Variants in STOX2 observed in about 807,000 individuals in gnomAD.
STOX2 encodes the protein storkhead-box protein 2.
STOX2 carries 28 observed loss-of-function variants against 60.9 expected under a neutral mutation model. That is an observed-to-expected ratio of 0.46 (90% CI 0.34 to 0.63). STOX2 has a LOEUF of 0.63. STOX2 is among the 30% of genes least tolerant of loss of function. The pLI is 0.01. For missense variants in STOX2, 1,024 were observed against 1,187.7 expected, an observed-to-expected ratio of 0.86 and a Z score of 2.03; for synonymous variants, 472 against 463.9, an observed-to-expected ratio of 1.02 and a Z score of -0.22.
At chr4:183,936,109 T>A (rs1435968892) in intron 1 of STOX2, among the ~76,000 whole-genome samples, 1 of 152,126 alleles carries the variant, frequency 6.6e-6, no homozygotes, top group African/African-American at 2.4e-5. Context: ...CAACATGAAA[T>A]CTTCACCACC....
chr4:183,827,460 C>T (rs564997799), intron 1 of STOX2, among the ~76,000 whole-genome samples: 3 of 151,766 alleles, frequency 2.0e-5, no homozygotes, highest in African/African-American at 7.3e-5. Context: ...CCACTGCACT[C>T]CAGGCTGGGT....
chr4:183,883,405 C>T (rs1334104682), intron 1 of STOX2, among the ~76,000 whole-genome samples: 6 of 151,758 alleles, frequency 4.0e-5, no homozygotes, highest in South Asian at 4.2e-4. Context: ...CTGCAAGCTC[C>T]GCCTCCCAGG....
At chr4:183,880,479 CGATT>C (rs1047714659) in intron 1 of STOX2, among the ~76,000 whole-genome samples, 1 of 152,090 alleles carries the variant, frequency 6.6e-6, no homozygotes, top group Non-Finnish European at 1.5e-5. Flanking sequence ...TTTTGCAGAA[CGATT>C]GATTGAAAGC....
chr4:183,880,094 T>G (rs1443679447), intron 1 of STOX2, among the ~76,000 whole-genome samples: 1 of 152,132 alleles, frequency 6.6e-6, no homozygotes, highest in Admixed American at 6.5e-5. Context: ...TTCTCCCACC[T>G]CAGCTTCCCA....
chr4:183,919,545 A>C lies in STOX2; in HGVS notation c.166+12589A>C, dbSNP rs559478033. ...AGTGCTGGTGTGCTCCTGAAATGTC[A>C]GTATGGAAAAGGGGCCTCTTTACCC... On this transcript the variant is annotated intron_variant, in intron 1 of 3. Transcript: ENST00000308497. 2.0e-5 allele frequency among the ~76,000 whole-genome samples: 3 copies of C among 152,256 alleles called. No homozygotes were observed. The South Asian group carries it at 6.2e-4, about 32-fold the overall frequency.
rs1211182505 is a variant in STOX2 at position 183,856,212 on chromosome 4, A to G, written c.364+58157A>G. Among the ~76,000 whole-genome samples, 6 of 152,152 alleles carry G rather than the reference A, an allele frequency of 3.9e-5. No homozygotes were observed. Among genetic ancestry groups the G allele is most frequent in the African/African-American group, 1.4e-4 (6 of 41,436 alleles). On this transcript the variant is annotated intron_variant, in intron 1 of 2. Transcript: ENST00000513034. This position sits in a 1 kb window ranked among gnomAD's most constrained non-coding sequence, Gnocchi z 4.0. The stretch of plus-strand genomic sequence containing the variant: ...AGCAATCATTTATCAGATAGGACCC[A>G]AGAGTCCAGAAAGGCTCACGGCCCC...
At chr4:183,847,637 A>G (rs1740018036) in intron 1 of STOX2, among the ~76,000 whole-genome samples, 1 of 152,140 alleles carries the variant, frequency 6.6e-6, no homozygotes. Context: ...ACCACAATCG[A>G]ACTGGATAGG....
chr4:183,874,057 A>G (rs1262952728), intron 1 of STOX2, among the ~76,000 whole-genome samples: 1 of 152,190 alleles, frequency 6.6e-6, no homozygotes, highest in South Asian at 2.1e-4. Context: ...TGTGGCTCCC[A>G]TAAGTAAGTG....
chr4:183,817,758 C>A (rs1315993967), intron 1 of STOX2, among the ~76,000 whole-genome samples: 1 of 152,096 alleles, frequency 6.6e-6, no homozygotes, highest in Non-Finnish European at 1.5e-5. Context: ...GAGGAGAGAC[C>A]TTTTCTCACC....
chr4:183,843,584 G>T (rs1366629979), intron 1 of STOX2, among the ~76,000 whole-genome samples: 2 of 152,188 alleles, frequency 1.3e-5, no homozygotes, highest in East Asian at 3.8e-4. Flanking sequence ...TGGCACAAAA[G>T]CAGCCAGGGA....
At chr4:183,871,393 C>A (rs1740690575) in intron 1 of STOX2, among the ~76,000 whole-genome samples, 1 of 152,206 alleles carries the variant, frequency 6.6e-6, no homozygotes, top group African/African-American at 2.4e-5. Context: ...AAGCAGGTAT[C>A]CTGATCTGCT....
intron 1 of STOX2, among the ~76,000 whole-genome samples, chr4:183,969,679 TG>T (rs68003897): frequency 0.064 from 9,782 of 152,026 alleles, 471 homozygotes; most frequent in African/African-American, 0.13. Flanking sequence ...AGTGCAGTGG[TG>T]GCAATCATAG....
At chr4:183,995,982 C>T (rs901877477) in intron 1 of STOX2, among the ~76,000 whole-genome samples, 1 of 152,178 alleles carries the variant, frequency 6.6e-6, no homozygotes, top group African/African-American at 2.4e-5. Context: ...GCCAGTCAGC[C>T]GACAATGACC....
At position 183,825,771 on chromosome 4, in the gene STOX2, G is replaced by T. The variant is rs1455837683; in HGVS notation, c.364+27716G>T. Among the ~76,000 whole-genome samples the T allele has an allele frequency of 6.6e-6, 1 of 152,172 alleles. No homozygotes were observed. Among genetic ancestry groups the T allele is most frequent in the Non-Finnish European group, 1.5e-5 (1 of 68,026 alleles). ...CTGGACTTTGCCGGGGAGGGGTTCAGATTTAATGCTTCGAGCAGTGGAAAG... is the reference window on the plus strand; with the variant it reads ...CTGGACTTTGCCGGGGAGGGGTTCATATTTAATGCTTCGAGCAGTGGAAAG... On this transcript the variant is annotated intron_variant, in intron 1 of 2. Coordinates refer to the STOX2 transcript ENST00000513034. The surrounding 1 kb of genome is among the most constrained non-coding windows in gnomAD (Gnocchi z 4.1).
At chr4:183,926,608 G>A (rs951038569) in intron 1 of STOX2, among the ~76,000 whole-genome samples, 2 of 151,592 alleles carry the variant, frequency 1.3e-5, no homozygotes, top group African/African-American at 4.8e-5. Flanking sequence ...TATAATTAGA[G>A]TAAAGCAAAA....
intron 1 of STOX2, among the ~76,000 whole-genome samples, chr4:183,813,506 C>G (rs992518337): frequency 1.3e-5 from 2 of 152,216 alleles, no homozygotes; most frequent in Non-Finnish European, 2.9e-5. Context: ...TCTGTGAATA[C>G]TCTGCCATTT....
Position 184,011,620 on chromosome 4 carries a change from T to C in STOX2, c.2585+197T>C, listed in dbSNP as rs1037060365. The C allele has an allele frequency of 6.6e-7, 1 of 1,521,448 alleles. No individual in the cohort carries two copies. The highest frequency in any genetic ancestry group is 8.8e-7 in the Non-Finnish European group (1 of 1,138,468). The allele number at this position is 1,521,448 out of a possible 1,614,324, so 94.2% of individuals were successfully genotyped here. ...AAAAATGTTTCTGCACCTGTAGAGA[T>C]CACCAATCTGGACTGGTGGGTTGGC... On this transcript the variant is annotated intron_variant, in intron 3 of 3. Transcript: ENST00000308497. This position sits in a 1 kb window ranked among gnomAD's most constrained non-coding sequence, Gnocchi z 4.4.
chr4:183,876,291 C>T (rs1000582181), intron 1 of STOX2, among the ~76,000 whole-genome samples: 14 of 152,168 alleles, frequency 9.2e-5, no homozygotes, highest in African/African-American at 3.4e-4. Context: ...TGGCAGCCTC[C>T]CAGACTGCAA....
At chr4:183,925,824 A>C (rs1182580959) in intron 1 of STOX2, among the ~76,000 whole-genome samples, 1 of 152,220 alleles carries the variant, frequency 6.6e-6, no homozygotes, top group Non-Finnish European at 1.5e-5. Context: ...TAAATTATTT[A>C]TAATTAGCAT....
Sources: gnomAD v4.1 joint callset for allele counts (sites outside exome capture counted in the v4.1 genomes callset) on GRCh38, gnomAD v4.1.1 for gene constraint, Gnocchi (gnomAD v3.1) non-coding constraint, MANE v1.5 for transcripts, NCBI Gene and HGNC (gene_info 2026-07-23, HGNC 2026-07-21) for gene names.